CEP164: variants seen among roughly 807,000 people sequenced by gnomAD.
The protein encoded by CEP164 is centrosomal protein of 164 kDa.
A neutral mutation model predicts 182.7 loss-of-function variants in CEP164; 162 were observed. That is an observed-to-expected ratio of 0.89 (90% CI 0.78 to 1.01). CEP164 has a LOEUF of 1.01. Among genes scored for constraint, CEP164 ranks in the 50% least tolerant of loss-of-function variants. The probability of loss-of-function intolerance (pLI) is 0.00; values close to 1 mark genes in which losing one functional copy is unlikely to be tolerated. For synonymous variants in CEP164, 661 were observed against 690.0 expected (o/e 0.96, Z 0.66); for missense variants, 1,735 against 1,790.4 (o/e 0.97, Z 0.56).
At position 117,394,453 on chromosome 11, in the gene CEP164, A is replaced by G; in HGVS notation, c.2720A>G (p.His907Arg). 1 of 1,614,140 alleles carries G rather than the reference A, an allele frequency of 6.2e-7. No individual in the cohort carries two copies. ...CTGGAGACTGTGAGGCAGGAGCAAC[A>G]CAAGCGTCTTGAGGACTTGCGGCGC... The part of the protein sequence containing the change: ...RELETVRQEQ[H>R]KRLEDLRRRH... The change falls in exon 21 of 33, where the codon CAC (histidine) becomes CGC (arginine). Residue 907 changes from histidine to arginine, a missense_variant. By Grantham distance (29) the His-to-Arg change is conservative. Transcript: ENST00000278935. The surrounding 1 kb of genome is among the most constrained non-coding windows in gnomAD (Gnocchi z 4.0).
intron 5 of CEP164, among the ~76,000 whole-genome samples, chr11:117,357,623 T>C (rs746993819): frequency 1.1e-4 from 17 of 152,122 alleles, no homozygotes; most frequent in Non-Finnish European, 2.2e-4. Flanking sequence ...AGTTTTGTCA[T>C]GTTGGCCAGG....
intron 14 of CEP164, chr11:117,385,701 G>A (rs2043868620): frequency 6.6e-6 from 1 of 152,248 alleles, no homozygotes; most frequent in Admixed American, 6.5e-5. Context: ...CAGAGGAGGT[G>A]GCAGCCACAT....
intron 5 of CEP164, among the ~76,000 whole-genome samples, chr11:117,361,415 A>AT (rs2040956368): frequency 2.9e-5 from 4 of 137,580 alleles, no homozygotes. Context: ...TAATTTTTGT[A>AT]TTTTTTAGTA....
chr11:117,389,177 G>A (rs538033873), intron 15 of CEP164, among the ~76,000 whole-genome samples: 1 of 152,236 alleles, frequency 6.6e-6, no homozygotes, highest in South Asian at 2.1e-4. Context: ...CTTTTCAAAG[G>A]AATTGTCTTC....
chr11:117,380,182 G>A (rs2043168441), intron 11 of CEP164, among the ~76,000 whole-genome samples: 1 of 152,028 alleles, frequency 6.6e-6, no homozygotes. Context: ...TTCTGCCCTC[G>A]TAATTTCAGC....
At chr11:117,408,834 G>A (rs949542550) in intron 28 of CEP164, 56 bp from the exon 29 acceptor site, 8 of 1,605,308 alleles carry the variant, frequency 5.0e-6, no homozygotes, top group Non-Finnish European at 6.8e-6. Context: ...AAGGAAAAAG[G>A]AAGGGTAGAA....
intron 5 of CEP164, among the ~76,000 whole-genome samples, chr11:117,354,264 C>T (rs529110566): frequency 1.1e-4 from 17 of 152,210 alleles, no homozygotes; most frequent in African/African-American, 2.6e-4. Flanking sequence ...GTGATCCGCC[C>T]GCCGCAGCCT....
At chr11:117,396,512 T>A in intron 25 of CEP164, 38 bp from the exon 26 acceptor site, 2 of 1,567,422 alleles carry the variant, frequency 1.3e-6, no homozygotes, top group South Asian at 2.2e-5. Context: ...TGTCTGCTTT[T>A]GCTACACTCA....
rs55864956 is a variant in CEP164 at position 117,337,510 on chromosome 11, T to TAAAAAAAAAAAAAAA, written c.-21-1042_-21-1041insAAAAAAAAAAAAAAA. On this transcript the variant is annotated intron_variant, in intron 2 of 32. Transcript: ENST00000278935. Reference sequence around the variant, plus strand: ...GCAACATAGTGAGACACCATCTCTGTAAAAAAAAAAAAAAGTAAAATATAT... The same window carrying TAAAAAAAAAAAAAAA: ...GCAACATAGTGAGACACCATCTCTGTAAAAAAAAAAAAAAAAAAAAAAAAAAAAAGTAAAATATAT... Among the ~76,000 whole-genome samples, 7 of 128,890 alleles carry TAAAAAAAAAAAAAAA rather than the reference T, an allele frequency of 5.4e-5. 1 individual carries two copies. Among genetic ancestry groups the TAAAAAAAAAAAAAAA allele is most frequent in the African/African-American group, 8.8e-5 (3 of 34,186 alleles). The allele number at this position is 128,890 out of a possible 152,430, so 84.6% of individuals were successfully genotyped here.
In CEP164 at chr11:117,396,568, T is replaced by C; in HGVS notation, c.3235T>C (p.Ser1079Pro). ...SLGTNQTKEV[S>P]SSLSQSKEDL... ...TCCCTAGAACCAGACCAAAGAGGTG[T>C]CTTCTTCTCTCTCCCAGAGCAAGGA... is the stretch of plus-strand genomic sequence containing the variant. The change falls in exon 26 of 33, where the codon TCT becomes CCT. Residue 1079 changes from serine to proline, a missense_variant. By Grantham distance (74) the Ser-to-Pro change is moderately conservative. Transcript: ENST00000278935. The C allele has an allele frequency of 6.2e-7, 1 of 1,613,728 alleles. No homozygotes were observed. Among genetic ancestry groups the C allele is most frequent in the Non-Finnish European group, 8.5e-7 (1 of 1,179,658 alleles).
At chr11:117,412,021 C>G in intron 32 of CEP164, 51 bp from the exon 33 acceptor site, 1 of 1,611,562 alleles carries the variant, frequency 6.2e-7, no homozygotes, top group Non-Finnish European at 8.5e-7. Context: ...CTTTCATGGC[C>G]CCTGCCTGGC....
chr11:117,337,510 T>TAAAAA (rs55864956), intron 2 of CEP164, among the ~76,000 whole-genome samples: 1 of 128,882 alleles, frequency 7.8e-6, no homozygotes, highest in African/African-American at 2.9e-5. Context: ...ACCATCTCTG[T>TAAAAA]AAAAAAAAAA....
At chr11:117,389,809 A>G (rs1454728852) in intron 15 of CEP164, among the ~76,000 whole-genome samples, 1 of 152,182 alleles carries the variant, frequency 6.6e-6, no homozygotes, top group Non-Finnish European at 1.5e-5. Context: ...GTCGGAGTGA[A>G]AGAATGTGGA....
chr11:117,366,809 CTG>C (rs1245543691), intron 8 of CEP164, among the ~76,000 whole-genome samples: 63 of 152,132 alleles, frequency 4.1e-4, no homozygotes, highest in Admixed American at 1.3e-3. Flanking sequence ...GTCCCCTGTG[CTG>C]TGTGGATTAC....
chr11:117,327,225 T>G (rs1431865542), upstream of CEP164, among the ~76,000 whole-genome samples: 1 of 152,124 alleles, frequency 6.6e-6, no homozygotes, highest in African/African-American at 2.4e-5. Context: ...AGCCAGTTTT[T>G]TTGCGGGGAG....
intron 25 of CEP164, 71 bp downstream of exon 25, chr11:117,396,251 C>A: frequency 6.6e-7 from 1 of 1,522,168 alleles, no homozygotes; most frequent in Non-Finnish European, 9.0e-7. Flanking sequence ...GGCTGGGCAT[C>A]AGGGGAGTAC....
intron 2 of CEP164, chr11:117,336,290 T>G (rs1426179942): frequency 6.5e-7 from 1 of 1,542,100 alleles, no homozygotes; most frequent in African/African-American, 1.4e-5. Context: ...TTATGAGCTT[T>G]CTTCATTTTA....
chr11:117,325,689 AC>A (rs2035403339), upstream of CEP164, among the ~76,000 whole-genome samples: 1 of 152,034 alleles, frequency 6.6e-6, no homozygotes, highest in Middle Eastern at 3.4e-3. Flanking sequence ...ACCGGCCAAG[AC>A]TTTTAAAGAA....
intron 18 of CEP164, 42 bp from the exon 19 acceptor site, chr11:117,392,454 T>C: frequency 6.2e-7 from 1 of 1,600,632 alleles, no homozygotes; most frequent in Non-Finnish European, 8.5e-7. Context: ...GTACAGTCTG[T>C]CTGAGGGTCA....
Sources: gnomAD v4.1 joint callset for allele counts (sites outside exome capture counted in the v4.1 genomes callset) on GRCh38, gnomAD v4.1.1 for gene constraint, Gnocchi (gnomAD v3.1) non-coding constraint, MANE v1.5 for transcripts, NCBI Gene and HGNC (gene_info 2026-07-23, HGNC 2026-07-21) for gene names.